The following METAP1D variants were observed in gnomAD, a reference collection of about 807,000 sequenced individuals.
METAP1D encodes the protein methionyl aminopeptidase type 1D, mitochondrial, also known as methionine aminopeptidase 1D, mitochondrial.
A neutral mutation model predicts 40.5 loss-of-function variants in METAP1D; 31 were observed. The ratio of observed to expected loss-of-function variants is 0.77; its 90% CI spans 0.58 to 1.03. The LOEUF is 1.03. Among genes scored for constraint, METAP1D ranks in the 50% least tolerant of loss-of-function variants. The pLI is 0.00. For missense variants in METAP1D, 411 were observed against 420.7 expected (o/e 0.98, Z 0.20); for synonymous variants, 151 against 146.4 (o/e 1.03, Z -0.22).
intron 1 of METAP1D, among the ~76,000 whole-genome samples, chr2:172,003,992 A>C (rs1401279158): frequency 6.6e-6 from 1 of 151,600 alleles, no homozygotes; most frequent in Non-Finnish European, 1.5e-5. Context: ...TCTCTCTTGA[A>C]CTTCTGACTT....
Position 172,039,667 on chromosome 2 carries a change from C to CTTT in METAP1D, c.41-21825_41-21823dup, listed in dbSNP as rs1553270203. On this transcript the variant is annotated intron_variant, in intron 1 of 9. Transcript: ENST00000315796. ...GGTGATGGAGCAAATACCTTTAAAA[C>CTTT]TTTTTTTTGTTTTTTTTTGAGATGA... is the stretch of plus-strand genomic sequence containing the variant. Among the ~76,000 whole-genome samples the CTTT allele has an allele frequency of 2.7e-5, 3 of 113,124 alleles. 1 individual carries two copies. The highest frequency in any genetic ancestry group is 3.9e-5 in the African/African-American group (1 of 25,370). 74.2% of individuals were successfully genotyped at this position (113,124 alleles called of 152,430 possible).
At chr2:172,025,283 T>G (rs1307559800) in intron 1 of METAP1D, among the ~76,000 whole-genome samples, 1 of 151,292 alleles carries the variant, frequency 6.6e-6, no homozygotes, top group Non-Finnish European at 1.5e-5. Context: ...TTGATGGGTA[T>G]TATATTAACT....
chr2:172,043,059 G>GTA lies in METAP1D; in HGVS notation c.41-18430_41-18429dup, dbSNP rs199646261. On this transcript the variant is annotated intron_variant, in intron 1 of 9. Coordinates refer to ENST00000315796, the MANE Select transcript of METAP1D (RefSeq NM_199227.3). Reference sequence around the variant, plus strand: ...TGTGTACACGTGTACACATATATGTGTATATATATACGTGTGTGTGTACAT... The same window carrying GTA: ...TGTGTACACGTGTACACATATATGTGTATATATATATACGTGTGTGTGTACAT... Among the ~76,000 whole-genome samples the GTA allele has an allele frequency of 6.7e-5, 8 of 118,814 alleles. 2 individuals carry two copies. The highest frequency in any genetic ancestry group is 2.7e-4 in the South Asian group (1 of 3,644). The allele number at this position is 118,814 out of a possible 152,430, so 77.9% of individuals were successfully genotyped here.
At chr2:172,034,171 A>G (rs7568540) in intron 1 of METAP1D, among the ~76,000 whole-genome samples, 33 of 152,168 alleles carry the variant, frequency 2.2e-4, no homozygotes, top group African/African-American at 7.2e-4. Flanking sequence ...AGGCTTCAAA[A>G]TTATCCAGTG....
intron 1 of METAP1D, among the ~76,000 whole-genome samples, chr2:172,022,436 G>A (rs1451733920): frequency 2.0e-5 from 3 of 152,072 alleles, no homozygotes; most frequent in African/African-American, 7.2e-5. Flanking sequence ...CACAGACAAG[G>A]CAGAATTTGT....
At chr2:172,034,767 T>TA (rs954092940) in intron 1 of METAP1D, among the ~76,000 whole-genome samples, 1 of 152,192 alleles carries the variant, frequency 6.6e-6, no homozygotes, top group African/African-American at 2.4e-5. Flanking sequence ...GACTTCATTT[T>TA]AAAAAATTTG....
chr2:172,009,077 G>C (rs184797399), intron 1 of METAP1D, among the ~76,000 whole-genome samples: 258 of 151,240 alleles, frequency 1.7e-3, no homozygotes, highest in African/African-American at 6.1e-3. Flanking sequence ...GTCTCGCCGT[G>C]TCTCTCAGGC....
chr2:172,051,670 T>C (rs1689886534), intron 1 of METAP1D, among the ~76,000 whole-genome samples: 1 of 152,202 alleles, frequency 6.6e-6, no homozygotes, highest in Admixed American at 6.5e-5. Flanking sequence ...CTCAGGCTGC[T>C]GCCCTTCCTC....
At chr2:172,078,992 G>A (rs370284032) in intron 7 of METAP1D, among the ~76,000 whole-genome samples, 1 of 152,140 alleles carries the variant, frequency 6.6e-6, no homozygotes, top group South Asian at 2.1e-4. Context: ...TCTTCTGGGG[G>A]AGTCTTGACC....
At chr2:172,057,294 A>G (rs748688204) in intron 1 of METAP1D, among the ~76,000 whole-genome samples, 2 of 151,820 alleles carry the variant, frequency 1.3e-5, no homozygotes, top group African/African-American at 2.4e-5. Context: ...TATTATTACT[A>G]TTTATATTAG....
intron 1 of METAP1D, among the ~76,000 whole-genome samples, chr2:172,018,906 C>T (rs1410651568): frequency 1.3e-5 from 2 of 152,150 alleles, no homozygotes; most frequent in East Asian, 1.9e-4. Flanking sequence ...TCTTCTTAGT[C>T]TTCTATAATC....
intron 6 of METAP1D, among the ~76,000 whole-genome samples, chr2:172,073,209 C>T (rs1162884049): frequency 1.3e-5 from 2 of 152,082 alleles, no homozygotes; most frequent in African/African-American, 4.8e-5. Flanking sequence ...ACCTTTGTTC[C>T]CTTTTTTTGT....
chr2:172,024,723 A>T (rs1434883036), intron 1 of METAP1D, among the ~76,000 whole-genome samples: 1 of 150,604 alleles, frequency 6.6e-6, no homozygotes, highest in Non-Finnish European at 1.5e-5. Flanking sequence ...ATCCTGATAA[A>T]GCCTCCTTTT....
chr2:172,040,429 T>C (rs1403528603), intron 1 of METAP1D, among the ~76,000 whole-genome samples: 13 of 152,164 alleles, frequency 8.5e-5, no homozygotes, highest in Admixed American at 8.5e-4. Flanking sequence ...TCCAGACTAG[T>C]AGGTGGAGTC....
At chr2:172,021,010 A>AT (rs1019142448) in intron 1 of METAP1D, among the ~76,000 whole-genome samples, 3 of 152,058 alleles carry the variant, frequency 2.0e-5, no homozygotes, top group Non-Finnish European at 2.9e-5. Flanking sequence ...TGTTTATATA[A>AT]TTTTTTTTAC....
intron 1 of METAP1D, among the ~76,000 whole-genome samples, chr2:172,053,560 C>T (rs1689934698): frequency 6.6e-6 from 1 of 152,184 alleles, no homozygotes; most frequent in Non-Finnish European, 1.5e-5. Flanking sequence ...TTAAATCTGG[C>T]AGGCATTCCT....
intron 1 of METAP1D, among the ~76,000 whole-genome samples, chr2:172,045,514 A>G (rs1333881251): frequency 6.8e-6 from 1 of 146,418 alleles, no homozygotes; most frequent in Non-Finnish European, 1.5e-5. Flanking sequence ...ATATAAAATT[A>G]GCCGGGCGTG....
At chr2:172,037,431 TA>T (rs1475083694) in intron 1 of METAP1D, among the ~76,000 whole-genome samples, 1 of 139,782 alleles carries the variant, frequency 7.2e-6, no homozygotes, top group Non-Finnish European at 1.5e-5. Context: ...AGTAAAGCTT[TA>T]AAAAAGGAGA....
intron 1 of METAP1D, among the ~76,000 whole-genome samples, chr2:172,047,817 T>TC (rs1451914002): frequency 3.3e-5 from 5 of 152,258 alleles, no homozygotes; most frequent in African/African-American, 1.2e-4. Context: ...CAAAGTAGAA[T>TC]CTTCCTATAA....
Sources: allele counts gnomAD v4.1 joint callset (sites outside exome capture counted in the v4.1 genomes callset), GRCh38; gene constraint gnomAD v4.1.1; transcripts MANE v1.5; gene names NCBI Gene and HGNC (gene_info 2026-07-23, HGNC 2026-07-21).